The following ACTR2 variants were observed in gnomAD, a reference collection of about 807,000 sequenced individuals.
The protein encoded by ACTR2 is actin related protein 2, also known as actin-related protein 2.
In ACTR2, 5 loss-of-function variants were observed where a neutral mutation model predicts 50.2. That is an observed-to-expected ratio of 0.10 (90% CI 0.05 to 0.21). ACTR2 has a LOEUF of 0.21. ACTR2 is among the 10% of genes least tolerant of loss of function. ACTR2 has a pLI of 1.00. For missense variants in ACTR2, 180 were observed against 480.6 expected (o/e 0.37, Z 5.85); for synonymous variants, 140 against 162.9 (o/e 0.86, Z 1.07).
At chr2:65,249,692 A>G in intron 3 of ACTR2, among the ~76,000 whole-genome samples, 1 of 152,082 alleles carries the variant, frequency 6.6e-6, no homozygotes. Context: ...TGCTCAGTCA[A>G]GATCACCAAA....
intron 6 of ACTR2, among the ~76,000 whole-genome samples, chr2:65,259,231 C>G (rs1672215514): frequency 6.6e-6 from 1 of 151,960 alleles, no homozygotes; most frequent in South Asian, 2.1e-4. Context: ...CAAGACCAGT[C>G]TGAGTAACAA....
intron 8 of ACTR2, among the ~76,000 whole-genome samples, chr2:65,265,465 G>A (rs1244403463): frequency 3.3e-5 from 5 of 152,172 alleles, no homozygotes; most frequent in Non-Finnish European, 5.9e-5. Context: ...AGAACCTGCT[G>A]TACTATAGGG....
intron 1 of ACTR2, among the ~76,000 whole-genome samples, chr2:65,239,494 A>C (rs1334627120): frequency 6.6e-6 from 1 of 152,240 alleles, no homozygotes. Context: ...TGTTCAGCGA[A>C]TTTGTCCATC....
chr2:65,229,670 C>T (rs556495784), intron 1 of ACTR2, among the ~76,000 whole-genome samples: 18 of 148,864 alleles, frequency 1.2e-4, no homozygotes, highest in African/African-American at 4.5e-4. Flanking sequence ...GCAGGAGAAT[C>T]GCTTGAACCC....
chr2:65,250,885 G>C lies in ACTR2; in HGVS notation c.376-142G>C, dbSNP rs116469326. 2,569 of 495,664 alleles carry C rather than the reference G, an allele frequency of 5.2e-3. 55 individuals carry two copies. The highest frequency in any genetic ancestry group is 0.047 in the African/African-American group (2,334 of 49,906). The allele number at this position is 495,664 out of a possible 1,614,324, so 30.7% of individuals were successfully genotyped here. ...GCAGGACTTCAATAAGAAATAAGAG[G>C]AGCTGATGAAAATGGAAGACTATTT... On this transcript the variant is annotated intron_variant, in intron 3 of 8. Coordinates refer to ENST00000260641, the MANE Select transcript of ACTR2 (RefSeq NM_005722.4).
chr2:65,247,359 C>T (rs565228540), intron 3 of ACTR2, among the ~76,000 whole-genome samples: 70 of 152,054 alleles, frequency 4.6e-4, no homozygotes, highest in African/African-American at 1.6e-3. Flanking sequence ...GAGGCGGAGG[C>T]GGGCAGATCA....
intron 8 of ACTR2, among the ~76,000 whole-genome samples, chr2:65,265,500 G>A (rs180923958): frequency 5.8e-4 from 89 of 152,218 alleles, no homozygotes; most frequent in Middle Eastern, 3.4e-3. Context: ...CTTGAGTTTT[G>A]TTCTTTTTTT....
chr2:65,243,395 C>T (rs1246390390), intron 2 of ACTR2, among the ~76,000 whole-genome samples: 2 of 152,056 alleles, frequency 1.3e-5, no homozygotes, highest in Non-Finnish European at 2.9e-5. Context: ...TTTGGCAGGA[C>T]GAGGTGGGAG....
chr2:65,262,687 G>T (rs1278644293), intron 7 of ACTR2, among the ~76,000 whole-genome samples: 3 of 152,086 alleles, frequency 2.0e-5, no homozygotes, highest in Non-Finnish European at 4.4e-5. Context: ...ACCAGGGGTG[G>T]TGGCTTCTGG....
chr2:65,228,125 G>T, intron 1 of ACTR2, 168 bp downstream of exon 1: 1 of 546,720 alleles, frequency 1.8e-6, no homozygotes. Flanking sequence ...GCCGTTCCCT[G>T]GTCTCCCTTG....
chr2:65,239,744 A>G (rs531993267), intron 1 of ACTR2, 108 bp from the exon 2 acceptor site: 2 of 755,668 alleles, frequency 2.6e-6, no homozygotes, highest in South Asian at 3.0e-5. Context: ...GAAAGCACCA[A>G]AAGTTTAAAA....
At chr2:65,266,679 G>A (rs757260829) in intron 8 of ACTR2, among the ~76,000 whole-genome samples, 4 of 152,134 alleles carry the variant, frequency 2.6e-5, no homozygotes, top group African/African-American at 4.8e-5. Flanking sequence ...AGAGAGACCA[G>A]TTAGGAGGCA....
At chr2:65,257,092 C>T (rs182888799) in intron 6 of ACTR2, among the ~76,000 whole-genome samples, 25 of 152,154 alleles carry the variant, frequency 1.6e-4, no homozygotes, top group African/African-American at 2.7e-4. Context: ...CTATACCTCC[C>T]TCCCCTTGCC....
intron 8 of ACTR2, among the ~76,000 whole-genome samples, chr2:65,268,121 C>T (rs769496871): frequency 6.6e-6 from 1 of 152,024 alleles, no homozygotes; most frequent in South Asian, 2.1e-4. Flanking sequence ...ACACTTGAGC[C>T]ACCACACCCA....
At chr2:65,236,420 C>T (rs757549042) in intron 1 of ACTR2, among the ~76,000 whole-genome samples, 3 of 151,912 alleles carry the variant, frequency 2.0e-5, no homozygotes, top group Non-Finnish European at 4.4e-5. Context: ...TCAGCGTCAT[C>T]TCCAACAGGG....
intron 1 of ACTR2, among the ~76,000 whole-genome samples, chr2:65,234,423 GTCTT>G (rs1558619837): frequency 6.6e-6 from 1 of 152,106 alleles, no homozygotes; most frequent in Non-Finnish European, 1.5e-5. Context: ...TGAATGAAAA[GTCTT>G]TTTTTTTGTT....
chr2:65,234,052 A>T (rs555304049), intron 1 of ACTR2, among the ~76,000 whole-genome samples: 3 of 152,202 alleles, frequency 2.0e-5, no homozygotes, highest in East Asian at 3.9e-4. Context: ...CTGGGGCTAC[A>T]GGTGTGTGTC....
chr2:65,247,465 G>A (rs1346339563), intron 3 of ACTR2, among the ~76,000 whole-genome samples: 1 of 152,152 alleles, frequency 6.6e-6, no homozygotes, highest in Non-Finnish European at 1.5e-5. Flanking sequence ...GCGGGTGCCT[G>A]TAGTCCCAGC....
At chr2:65,238,022 T>C (rs970127344) in intron 1 of ACTR2, among the ~76,000 whole-genome samples, 17 of 151,226 alleles carry the variant, frequency 1.1e-4, no homozygotes, top group Admixed American at 5.9e-4. Context: ...TAAAAACTTA[T>C]TCGGGCCTGG....
Sources: allele counts gnomAD v4.1 joint callset (sites outside exome capture counted in the v4.1 genomes callset), GRCh38; gene constraint gnomAD v4.1.1; transcripts MANE v1.5; gene names NCBI Gene and HGNC (gene_info 2026-07-23, HGNC 2026-07-21).